The following KIAA0232 variants were observed in gnomAD, a reference collection of about 807,000 sequenced individuals.
The protein encoded by KIAA0232 is KIAA0232.
In KIAA0232, 27 loss-of-function variants were observed where a neutral mutation model predicts 122.0. The observed-to-expected ratio is 0.22, with a 90% CI of 0.16 to 0.31. The LOEUF (loss-of-function observed/expected upper bound fraction) is 0.31. Ranked by LOEUF, KIAA0232 falls within the 10% of genes least tolerant of loss-of-function variation. KIAA0232 has a pLI of 1.00. For missense variants in KIAA0232, 1,551 were observed against 1,634.2 expected, an observed-to-expected ratio of 0.95 and a Z score of 0.88; for synonymous variants, 613 against 587.6, an observed-to-expected ratio of 1.04 and a Z score of -0.63.
intron 2 of KIAA0232, among the ~76,000 whole-genome samples, chr4:6,806,131 T>C (rs1465950815): frequency 6.6e-6 from 1 of 152,154 alleles, no homozygotes; most frequent in Non-Finnish European, 1.5e-5. Context: ...CCCTGCTAGG[T>C]AAAAAAGGCA....
intron 1 of KIAA0232, among the ~76,000 whole-genome samples, chr4:6,794,442 G>T (rs1717043362): frequency 6.6e-6 from 1 of 152,206 alleles, no homozygotes; most frequent in Non-Finnish European, 1.5e-5. Context: ...CACCTTCATA[G>T]TGGCTGCACA....
chr4:6,855,860 G>A lies in KIAA0232; in HGVS notation c.370-1304G>A. 1.0e-6 allele frequency: 1 copy of A among 985,386 alleles called. No individual in the cohort carries two copies. The highest frequency in any genetic ancestry group is 4.7e-5 in the South Asian group (1 of 21,290). 61.0% of individuals were successfully genotyped at this position (985,386 alleles called of 1,614,324 possible). A position where few individuals can be genotyped will look rare whatever the true frequency, so the allele number is the denominator to read the frequency against. On this transcript the variant is annotated intron_variant, in intron 4 of 9. Coordinates refer to ENST00000307659, the MANE Select transcript of KIAA0232 (RefSeq NM_014743.3). This position sits in a 1 kb window ranked among gnomAD's most constrained non-coding sequence, Gnocchi z 4.3. ...TTGGTTTCACGATCCGAAGGAAATGGAATATAATTGCCGTCCTTGTCACAC... is the reference window on the plus strand; with the variant it reads ...TTGGTTTCACGATCCGAAGGAAATGAAATATAATTGCCGTCCTTGTCACAC...
chr4:6,877,819 A>G (rs900352096), intron 9 of KIAA0232, among the ~76,000 whole-genome samples: 3 of 152,140 alleles, frequency 2.0e-5, no homozygotes, highest in East Asian at 3.9e-4. Flanking sequence ...ACACCCCCAC[A>G]GACACACCCA....
At chr4:6,790,480 G>A (rs1716844711) in intron 1 of KIAA0232, among the ~76,000 whole-genome samples, 1 of 149,668 alleles carries the variant, frequency 6.7e-6, no homozygotes, top group Non-Finnish European at 1.5e-5. Context: ...CTACAGCCAG[G>A]ACCTCCTGGG....
chr4:6,867,433 A>C (rs1263397496), intron 7 of KIAA0232, among the ~76,000 whole-genome samples: 1 of 152,238 alleles, frequency 6.6e-6, no homozygotes, highest in Non-Finnish European at 1.5e-5. Context: ...CGGTCTCTGG[A>C]GTATAAGCCA....
In KIAA0232 at chr4:6,833,633, A is replaced by G. The variant is rs547624148; in HGVS notation, c.232-8434A>G. On this transcript the variant is annotated intron_variant, in intron 3 of 9. Coordinates refer to ENST00000307659, the MANE Select transcript of KIAA0232 (RefSeq NM_014743.3). ...GCAACAGAGTGAGACTGCATCTCAA[A>G]AAAAGGAAAAAAAGAAAAAAAAAGG... is the stretch of plus-strand genomic sequence containing the variant. Among the ~76,000 whole-genome samples the G allele has an allele frequency of 4.1e-4, 62 of 152,224 alleles. 1 individual carries two copies. In the South Asian group the frequency reaches 0.011, roughly 27 times the overall value.
intron 4 of KIAA0232, among the ~76,000 whole-genome samples, chr4:6,852,547 G>A (rs925107731): frequency 2.0e-5 from 3 of 152,112 alleles, no homozygotes; most frequent in African/African-American, 7.2e-5. Flanking sequence ...TAAAGCTAAA[G>A]ACTAAGATCT....
At chr4:6,850,911 G>T (rs754346113) in intron 4 of KIAA0232, among the ~76,000 whole-genome samples, 1 of 152,044 alleles carries the variant, frequency 6.6e-6, no homozygotes, top group Non-Finnish European at 1.5e-5. Context: ...CTCGTGATCC[G>T]CCCACCTCGG....
At chr4:6,792,690 T>G (rs544463103) in intron 1 of KIAA0232, among the ~76,000 whole-genome samples, 4 of 123,394 alleles carry the variant, frequency 3.2e-5, no homozygotes, top group East Asian at 2.0e-4. Context: ...GGTTTTTTTT[T>G]TTTTGTTTTT....
At chr4:6,800,333 C>T (rs559972536) in intron 1 of KIAA0232, among the ~76,000 whole-genome samples, 81 of 149,064 alleles carry the variant, frequency 5.4e-4, no homozygotes, top group South Asian at 2.8e-3. Context: ...ACTGAGTCAT[C>T]GTGCCTGGAC....
Position 6,868,833 on chromosome 4 carries a change from G to T in KIAA0232, c.3802-2741G>T, listed in dbSNP as rs541999902. ...CTTGAATATGTTTAGTATAAAACGG[G>T]ACAAATAAGTCCCTGCCATAGGAAT... On this transcript the variant is annotated intron_variant, in intron 7 of 9. Transcript: ENST00000307659. Among the ~76,000 whole-genome samples the T allele has an allele frequency of 3.3e-5, 5 of 152,264 alleles. No individual in the cohort carries two copies. In the East Asian group the frequency reaches 7.7e-4, roughly 23 times the overall value.
chr4:6,847,781 C>CT (rs1222982449), intron 4 of KIAA0232, among the ~76,000 whole-genome samples: 1 of 151,758 alleles, frequency 6.6e-6, no homozygotes, highest in Non-Finnish European at 1.5e-5. Context: ...CCTAAGCTGT[C>CT]TGTTTCATTC....
chr4:6,858,554 G>A (rs1440698264), intron 6 of KIAA0232, 48 bp downstream of exon 6: 7 of 1,192,064 alleles, frequency 5.9e-6, no homozygotes, highest in Non-Finnish European at 8.5e-6. Context: ...GTTAAAATCA[G>A]ATGAATAACT....
chr4:6,804,221 G>C (rs1198423988), intron 1 of KIAA0232, among the ~76,000 whole-genome samples: 1 of 152,138 alleles, frequency 6.6e-6, no homozygotes, highest in African/African-American at 2.4e-5. Flanking sequence ...CTTAGCAAAT[G>C]TTTGTTAAAT....
In KIAA0232 at chr4:6,824,437, G is replaced by A. The variant is rs1718571638; in HGVS notation, c.-17G>A. The A allele has an allele frequency of 6.2e-7, 1 of 1,600,118 alleles. No homozygotes were observed. The highest frequency in any genetic ancestry group is 8.6e-7 in the Non-Finnish European group (1 of 1,167,130). On this transcript the variant is annotated 5_prime_UTR_variant, in exon 3 of 10. The change abolishes an upstream ATG in the 5' untranslated region. Transcript: ENST00000307659. Reference sequence around the variant, plus strand: ...AGAAAATGCTTCACATTTTAAGGATGTCGGCAACCTAAATTCATGTACCCT... The same window carrying A: ...AGAAAATGCTTCACATTTTAAGGATATCGGCAACCTAAATTCATGTACCCT...
rs371537408 is a variant in KIAA0232, at chr4:6,830,498, C to T, written c.231+5814C>T. 1.3e-4 allele frequency among the ~76,000 whole-genome samples: 19 copies of T among 150,686 alleles called. No individual in the cohort carries two copies. In the East Asian group the frequency reaches 1.9e-3, roughly 15 times the overall value. On this transcript the variant is annotated intron_variant, in intron 3 of 9. Coordinates refer to ENST00000307659, the MANE Select transcript of KIAA0232 (RefSeq NM_014743.3). ...TCTCAGCTCACTGCAGCCTCTGCCT[C>T]CTGGGTTCAAGTGATTCTCCTGCCT...
In KIAA0232 at chr4:6,863,686, A is replaced by G; in HGVS notation, c.3304A>G (p.Ile1102Val). Residue 1102 changes from isoleucine to valine, a missense_variant, in exon 7 of 10, where the codon ATC becomes GTC. Physicochemically the swap from Ile to Val is conservative, Grantham distance 29. This residue lies in a region of KIAA0232 where 1,108 missense variants were observed against 1,154.8 expected (regional missense o/e 0.96). Coordinates refer to ENST00000307659, the MANE Select transcript of KIAA0232 (RefSeq NM_014743.3). ...CAGAACACAATACAGGGCTATTCGG[A>G]TCTCTCCTCGGACTCACTTTCGCCC... ...VDRTQYRAIR[I>V]SPRTHFRPIS... The G allele has an allele frequency of 6.2e-7, 1 of 1,614,202 alleles. No individual in the cohort carries two copies. Among genetic ancestry groups the G allele is most frequent in the East Asian group, 2.2e-5 (1 of 44,876 alleles).
At chr4:6,851,875 C>T (rs1217287348) in intron 4 of KIAA0232, among the ~76,000 whole-genome samples, 3 of 152,088 alleles carry the variant, frequency 2.0e-5, no homozygotes, top group Non-Finnish European at 4.4e-5. Context: ...AATAACTTGT[C>T]CAGCTTCACA....
chr4:6,815,711 C>T (rs1006862745), intron 2 of KIAA0232, among the ~76,000 whole-genome samples: 5 of 152,178 alleles, frequency 3.3e-5, no homozygotes, highest in African/African-American at 1.2e-4. Flanking sequence ...TGGTCCTCTG[C>T]AGTCTGTACT....
Sources: gnomAD v4.1 joint callset for allele counts (sites outside exome capture counted in the v4.1 genomes callset) on GRCh38, gnomAD v4.1.1 for gene constraint, gnomAD v4.1.1 regional missense constraint, Gnocchi (gnomAD v3.1) non-coding constraint, MANE v1.5 for transcripts, NCBI Gene and HGNC (gene_info 2026-07-23, HGNC 2026-07-21) for gene names.